Variants in ELAPOR2 observed in about 807,000 individuals in gnomAD.
ELAPOR2 encodes endosome-lysosome associated apoptosis and autophagy regulator family member 2, also known as endosome/lysosome-associated apoptosis and autophagy regulator family member 2.
ELAPOR2 carries 89 observed loss-of-function variants against 120.7 expected under a neutral mutation model. The observed-to-expected ratio is 0.74, with a 90% CI of 0.62 to 0.88. The LOEUF (loss-of-function observed/expected upper bound fraction) is 0.88. ELAPOR2 is among the 40% of genes least tolerant of loss of function. ELAPOR2 has a pLI of 0.00. For missense variants in ELAPOR2, 1,134 were observed against 1,251.6 expected (o/e 0.91, Z 1.42); for synonymous variants, 444 against 444.9 (o/e 1.00, Z 0.03).
intron 10 of ELAPOR2, among the ~76,000 whole-genome samples, chr7:86,921,219 AC>A (rs2116184909): frequency 6.6e-6 from 1 of 152,180 alleles, no homozygotes; most frequent in Admixed American, 6.5e-5. Context: ...CACCACCAAT[AC>A]CCATAAATGG....
intron 1 of ELAPOR2, among the ~76,000 whole-genome samples, chr7:87,040,204 G>A (rs1163198829): frequency 4.6e-5 from 7 of 152,220 alleles, no homozygotes; most frequent in Non-Finnish European, 8.8e-5. Flanking sequence ...AGAGGCGCCC[G>A]CCATTGCCCA....
intron 18 of ELAPOR2, among the ~76,000 whole-genome samples, chr7:86,901,895 C>T (rs1261372922): frequency 6.6e-6 from 1 of 152,190 alleles, no homozygotes; most frequent in Non-Finnish European, 1.5e-5. Context: ...CCAAAAAACA[C>T]CACTGCATCT....
At chr7:86,977,492 C>G (rs76669272) in intron 1 of ELAPOR2, among the ~76,000 whole-genome samples, 1,589 of 152,316 alleles carry the variant, frequency 0.01, 10 homozygotes, top group Non-Finnish European at 0.016. Flanking sequence ...CTCTCAATAT[C>G]ATGTCTCTCC....
At chr7:86,880,587 G>T in intron 21 of ELAPOR2, 57 bp from the exon 22 acceptor site, 1 of 1,060,632 alleles carries the variant, frequency 9.4e-7, no homozygotes, top group Non-Finnish European at 1.4e-6. Context: ...AAGATTTTAG[G>T]ATCTTACATG....
chr7:87,037,256 G>C (rs1225793368), intron 1 of ELAPOR2, among the ~76,000 whole-genome samples: 3 of 151,942 alleles, frequency 2.0e-5, no homozygotes, highest in African/African-American at 7.3e-5. Context: ...CTGCACTCCT[G>C]TACATCCACC....
intron 10 of ELAPOR2, among the ~76,000 whole-genome samples, chr7:86,923,087 T>G (rs1415489948): frequency 6.6e-6 from 1 of 151,970 alleles, no homozygotes; most frequent in Non-Finnish European, 1.5e-5. Flanking sequence ...ATAATCTATT[T>G]CCTGTTTTTC....
At chr7:86,981,931 C>T (rs562041231) in intron 1 of ELAPOR2, among the ~76,000 whole-genome samples, 1 of 152,326 alleles carries the variant, frequency 6.6e-6, no homozygotes, top group Non-Finnish European at 1.5e-5. Flanking sequence ...CAGACTGTAT[C>T]TGGAAAATCA....
chr7:87,054,868 G>A (rs1415352457), intron 1 of ELAPOR2, among the ~76,000 whole-genome samples: 7 of 152,184 alleles, frequency 4.6e-5, no homozygotes, highest in African/African-American at 9.6e-5. Flanking sequence ...GGATTTCATC[G>A]GGCAACTGAC....
intron 10 of ELAPOR2, among the ~76,000 whole-genome samples, chr7:86,922,955 T>C (rs902495178): frequency 6.6e-6 from 1 of 151,966 alleles, no homozygotes; most frequent in African/African-American, 2.4e-5. Flanking sequence ...GTAAACCAAA[T>C]TTAAAAATAA....
At position 86,954,070 on chromosome 7, in the gene ELAPOR2, G is replaced by A. The variant is rs1421116204; in HGVS notation, c.311-6148C>T. ...ACGGAAAAAGCATTTATATTAGTCC[G>A]TCCCCAAGTAGCAAATATCTTAGGC... On this transcript the variant is annotated intron_variant, in intron 2 of 21. Coordinates refer to ENST00000450689, the MANE Select transcript of ELAPOR2 (RefSeq NM_001142749.3). 5.3e-5 allele frequency among the ~76,000 whole-genome samples: 8 copies of A among 152,032 alleles called. No individual in the cohort carries two copies. In the South Asian group the frequency reaches 6.2e-4, roughly 12 times the overall value.
At chr7:86,880,635 T>C in intron 21 of ELAPOR2, 105 bp from the exon 22 acceptor site, 1 of 715,006 alleles carries the variant, frequency 1.4e-6, no homozygotes, top group South Asian at 1.7e-5. Context: ...TTAACCTATC[T>C]AGTTGCCACT....
At chr7:86,953,751 G>A (rs140066112) in intron 2 of ELAPOR2, among the ~76,000 whole-genome samples, 10 of 152,252 alleles carry the variant, frequency 6.6e-5, no homozygotes, top group Admixed American at 6.5e-4. Flanking sequence ...TAGAGAAACT[G>A]AATTAAAGAT....
chr7:87,031,896 A>T (rs1794433578), intron 1 of ELAPOR2, among the ~76,000 whole-genome samples: 1 of 152,144 alleles, frequency 6.6e-6, no homozygotes. Context: ...AACCTCAAAA[A>T]TCATTATGCT....
At chr7:86,955,160 T>C (rs1159215690) in intron 2 of ELAPOR2, among the ~76,000 whole-genome samples, 1 of 152,138 alleles carries the variant, frequency 6.6e-6, no homozygotes. Flanking sequence ...CCTCCTTCAG[T>C]ACCAGTGATA....
rs748377556 is a variant in ELAPOR2 at position 86,892,950 on chromosome 7, T to A, written c.2836A>T (p.Thr946Ser). The A allele has an allele frequency of 9.6e-6, 15 of 1,570,676 alleles. No individual in the cohort carries two copies. In the East Asian group the frequency reaches 3.5e-4, roughly 36 times the overall value. ...AFTAVLLVAL[T>S]CYFWKKNQKL... is the part of the protein sequence containing the mutation. ...TGATTCTTTTTCCAGAAGTAGCAGG[T>A]CAGAGCCACCAGCAAAACGGCAGTA... The change falls in exon 20 of 22, where the codon ACC (threonine) becomes TCC (serine). Residue 946 changes from threonine to serine, a missense_variant. Physicochemically the swap from Thr to Ser is moderately conservative, Grantham distance 58 (BLOSUM62 1). Coordinates refer to ENST00000450689, the MANE Select transcript of ELAPOR2 (RefSeq NM_001142749.3).
intron 18 of ELAPOR2, among the ~76,000 whole-genome samples, chr7:86,905,182 AAGAGAGAGAGAGAG>A (rs147886977): frequency 7.0e-6 from 1 of 143,360 alleles, no homozygotes; most frequent in Non-Finnish European, 1.5e-5. Flanking sequence ...GAAAGAGAGA[AAGAGAGAGAGAGAG>A]AGAGAGAGAA....
At chr7:86,898,328 G>T (rs2115908965) in intron 18 of ELAPOR2, among the ~76,000 whole-genome samples, 1 of 152,192 alleles carries the variant, frequency 6.6e-6, no homozygotes, top group African/African-American at 2.4e-5. Flanking sequence ...ATCAGTAGTT[G>T]CTCAGGGCTG....
rs577817323 is a variant in ELAPOR2, at chr7:87,041,408, G to A, written c.189+17917C>T. Among the ~76,000 whole-genome samples, 454 of 152,140 alleles carry A rather than the reference G, an allele frequency of 3.0e-3. 1 individual carries two copies. The highest frequency in any genetic ancestry group is 6.8e-3 in the Middle Eastern group (2 of 294). On this transcript the variant is annotated intron_variant, in intron 1 of 21. Transcript: ENST00000450689. ...AAGGGAAGCCCATCAGACTAACAGC[G>A]GATCTCTCGGCATAAACCCTACGAG...
intron 1 of ELAPOR2, among the ~76,000 whole-genome samples, chr7:87,011,379 A>G (rs1193821315): frequency 6.6e-6 from 1 of 152,150 alleles, no homozygotes; most frequent in African/African-American, 2.4e-5. Flanking sequence ...GACTGAATCC[A>G]TGTCTGTATA....
Sources: gnomAD v4.1 joint callset for allele counts (sites outside exome capture counted in the v4.1 genomes callset) on GRCh38, gnomAD v4.1.1 for gene constraint, MANE v1.5 for transcripts, NCBI Gene and HGNC (gene_info 2026-07-23, HGNC 2026-07-21) for gene names.